CERS4: variants seen among roughly 807,000 people sequenced by gnomAD.
The protein encoded by CERS4 is ceramide synthase 4, also known as LAG1 homolog, ceramide synthase 4.
Under a neutral mutation model 51.8 loss-of-function variants are expected in CERS4, and 65 were observed. That is an observed-to-expected ratio of 1.26 (90% CI 1.03 to 1.54). The LOEUF (loss-of-function observed/expected upper bound fraction) is 1.54, where lower values mean the gene tolerates loss of function less well. CERS4 is among the 40% of genes most tolerant of loss of function. The probability of loss-of-function intolerance (pLI) is 0.00; values close to 1 mark genes in which losing one functional copy is unlikely to be tolerated. For synonymous variants in CERS4, 228 were observed against 208.4 expected, an observed-to-expected ratio of 1.09 and a Z score of -0.81; for missense variants, 563 against 500.4, an observed-to-expected ratio of 1.13 and a Z score of -1.19.
At chr19:8,256,802 GCT>G (rs1969410156) in intron 8 of CERS4, 92 bp downstream of exon 8, 1 of 1,565,290 alleles carries the variant, frequency 6.4e-7, no homozygotes, top group African/African-American at 1.4e-5. Flanking sequence ...CACCTTGAGA[GCT>G]CCCTGGTGCC....
At chr19:8,251,011 A>C (rs967351758) in intron 2 of CERS4, 65 bp from the exon 3 acceptor site, 6 of 1,503,176 alleles carry the variant, frequency 4.0e-6, no homozygotes, top group Non-Finnish European at 5.3e-6. Flanking sequence ...CCAGCCTCTC[A>C]GGCCCCACTT....
At chr19:8,228,343 G>A (rs988680878) in intron 2 of CERS4, among the ~76,000 whole-genome samples, 1 of 152,034 alleles carries the variant, frequency 6.6e-6, no homozygotes, top group African/African-American at 2.4e-5. Flanking sequence ...CACGATTAAT[G>A]GTAAATGTTG....
intron 3 of CERS4, among the ~76,000 whole-genome samples, chr19:8,252,125 C>G (rs895607802): frequency 6.6e-6 from 1 of 151,492 alleles, no homozygotes; most frequent in Non-Finnish European, 1.5e-5. Context: ...AATCCCAGCA[C>G]TTTGGGAGGC....
rs763946019 is a variant in CERS4, at chr19:8,255,880, G to GT, written c.468+2dup. Reference sequence around the variant, plus strand: ...GGGCGGCCTCTCGGTCCTGTACCACGTGAGTATACCAGAGTATAGCTGACT... The same window carrying GT: ...GGGCGGCCTCTCGGTCCTGTACCACGTTGAGTATACCAGAGTATAGCTGACT... On this transcript the variant is annotated splice_donor_variant, in intron 6 of 11. Coordinates refer to ENST00000251363, the MANE Select transcript of CERS4 (RefSeq NM_024552.3). LOFTEE classifies it high-confidence loss of function. The GT allele has an allele frequency of 1.9e-6, 3 of 1,613,644 alleles. No homozygotes were observed.
intron 3 of CERS4, among the ~76,000 whole-genome samples, 158 bp from the exon 4 acceptor site, chr19:8,254,341 A>AAAAAAAAAAAAAT: frequency 6.7e-6 from 1 of 149,364 alleles, no homozygotes. Context: ...AAAAAAAAAA[A>AAAAAAAAAAAAAT]AGTCTTACAC....
chr19:8,221,510 G>T (rs559866591), intron 2 of CERS4, among the ~76,000 whole-genome samples: 3 of 151,994 alleles, frequency 2.0e-5, no homozygotes, highest in African/African-American at 7.2e-5. Context: ...AATGTATTTC[G>T]GTAAACAAAC....
At position 8,254,892 on chromosome 19, in the gene CERS4, C is replaced by G. The variant is rs751604573; in HGVS notation, c.291+276C>G. Among the ~76,000 whole-genome samples the G allele has an allele frequency of 1.5e-4, 23 of 152,154 alleles. 1 individual carries two copies. The Middle Eastern group carries it at 0.02, about 135-fold the overall frequency. ...AGATGAGGACCCCCCCCTTCCCAGC[C>G]TCCTTGGGAGATGGGGCCCCTCCCC... is the stretch of plus-strand genomic sequence containing the variant. On this transcript the variant is annotated intron_variant, in intron 4 of 11. Coordinates refer to ENST00000251363, the MANE Select transcript of CERS4 (RefSeq NM_024552.3).
chr19:8,219,079 C>T (rs977547376), intron 2 of CERS4, among the ~76,000 whole-genome samples: 19 of 152,098 alleles, frequency 1.2e-4, no homozygotes, highest in African/African-American at 4.1e-4. Flanking sequence ...TGGTGGCGGG[C>T]GCCTGTATTC....
chr19:8,217,540 T>G (rs568763861), intron 2 of CERS4, among the ~76,000 whole-genome samples: 4 of 150,266 alleles, frequency 2.7e-5, no homozygotes, highest in Admixed American at 2.0e-4. Flanking sequence ...GGCTAATGTT[T>G]TTTTTTTTTT....
At chr19:8,216,315 G>A (rs1209948947) in intron 2 of CERS4, among the ~76,000 whole-genome samples, 1 of 151,660 alleles carries the variant, frequency 6.6e-6, no homozygotes, top group Non-Finnish European at 1.5e-5. Flanking sequence ...GGAGATGGAG[G>A]TTGCAGTGAG....
Position 8,254,594 on chromosome 19 carries a change from C to A in CERS4, c.269C>A (p.Thr90Lys). The change falls in exon 4 of 12, where the codon ACG becomes AAG. Residue 90 changes from threonine (T) to lysine (K), a missense_variant. Thr to Lys is a moderately conservative substitution (Grantham distance 78). Coordinates refer to ENST00000251363, the MANE Select transcript of CERS4 (RefSeq NM_024552.3). Reference sequence around the variant, plus strand: ...GCCACGCTGGAGAAACACTTCCTCACGGAAGGGCACAGGCCCAAGGAGGTG... The same window carrying A: ...GCCACGCTGGAGAAACACTTCCTCAAGGAAGGGCACAGGCCCAAGGAGGTG... ...PNATLEKHFL[T>K]EGHRPKEPQL... The A allele has an allele frequency of 1.2e-6, 2 of 1,610,714 alleles. No individual in the cohort carries two copies. Among genetic ancestry groups the A allele is most frequent in the African/African-American group, 1.3e-5 (1 of 74,946 alleles).
At chr19:8,218,452 T>C (rs1284384367) in intron 2 of CERS4, among the ~76,000 whole-genome samples, 2 of 152,136 alleles carry the variant, frequency 1.3e-5, no homozygotes, top group African/African-American at 4.8e-5. Flanking sequence ...ATTCCTAAAA[T>C]TGAAGCAGAC....
intron 2 of CERS4, among the ~76,000 whole-genome samples, chr19:8,247,354 C>T (rs546827429): frequency 6.6e-6 from 1 of 152,058 alleles, no homozygotes; most frequent in Non-Finnish European, 1.5e-5. Flanking sequence ...GGCCTTTGCA[C>T]CTGCTGCGTA....
intron 2 of CERS4, chr19:8,222,123 ACCCGCCTCAGCCT>A (rs1158942103): frequency 6.8e-6 from 1 of 146,822 alleles, no homozygotes; most frequent in Non-Finnish European, 1.5e-5. Flanking sequence ...CTCGTGATCC[ACCCGCCTCAGCCT>A]CCCAAAGTGC....
intron 2 of CERS4, among the ~76,000 whole-genome samples, chr19:8,234,073 G>A (rs892066769): frequency 1.8e-4 from 27 of 151,970 alleles, no homozygotes; most frequent in Middle Eastern, 3.4e-3. Context: ...TTGGGAGGCC[G>A]AGGCGGGCGG....
chr19:8,228,186 C>G (rs1005057710), intron 2 of CERS4, among the ~76,000 whole-genome samples: 16 of 151,898 alleles, frequency 1.1e-4, no homozygotes, highest in Non-Finnish European at 1.6e-4. Flanking sequence ...TCCGCCTCGG[C>G]CTCCCAAAGT....
chr19:8,255,916 C>G (rs761081821), intron 6 of CERS4, 37 bp downstream of exon 6: 10 of 1,606,048 alleles, frequency 6.2e-6, no homozygotes, highest in Non-Finnish European at 7.7e-6. Context: ...GCTCACCTGC[C>G]CCATCCACCT....
Position 8,214,036 on chromosome 19 carries a change from T to C in CERS4, c.-2+3174T>C, listed in dbSNP as rs1028848652. ...GACCTTCCCCTCCCTGAGTCTGGAC[T>C]TTATACCTTTGTTAATAGGATGCTG... On this transcript the variant is annotated intron_variant, in intron 2 of 11. Transcript: ENST00000251363. Among the ~76,000 whole-genome samples the C allele has an allele frequency of 6.6e-5, 10 of 151,920 alleles. 1 individual carries two copies. Among genetic ancestry groups the C allele is most frequent in the Admixed American group, 3.9e-4 (6 of 15,222 alleles).
At chr19:8,218,575 G>A (rs927501549) in intron 2 of CERS4, among the ~76,000 whole-genome samples, 1 of 152,134 alleles carries the variant, frequency 6.6e-6, no homozygotes, top group Non-Finnish European at 1.5e-5. Flanking sequence ...GGTCACAAAG[G>A]CCTCGAATGC....
Sources: gnomAD v4.1 joint callset for allele counts (sites outside exome capture counted in the v4.1 genomes callset) on GRCh38, gnomAD v4.1.1 for gene constraint, MANE v1.5 for transcripts, NCBI Gene and HGNC (gene_info 2026-07-23, HGNC 2026-07-21) for gene names.